The following DNAAF9 variants were observed in gnomAD, a reference collection of about 807,000 sequenced individuals.
DNAAF9 encodes dynein axonemal assembly factor 9, also known as shulin.
Under a neutral mutation model 167.0 loss-of-function variants are expected in DNAAF9, and 90 were observed. That is an observed-to-expected ratio of 0.54 (90% CI 0.45 to 0.64). The LOEUF (loss-of-function observed/expected upper bound fraction) is 0.64. Ranked by LOEUF, DNAAF9 falls within the 30% of genes least tolerant of loss-of-function variation. DNAAF9 has a pLI of 0.00. For synonymous variants in DNAAF9, 491 were observed against 508.8 expected, an observed-to-expected ratio of 0.96 and a Z score of 0.47; for missense variants, 1,315 against 1,442.2, an observed-to-expected ratio of 0.91 and a Z score of 1.43.
At chr20:3,320,528 A>T (rs527945610) in intron 16 of DNAAF9, among the ~76,000 whole-genome samples, 62 of 152,342 alleles carry the variant, frequency 4.1e-4, no homozygotes, top group African/African-American at 1.5e-3. Flanking sequence ...TAAGGAGAGA[A>T]GTCAGGGATT....
intron 2 of DNAAF9, 104 bp from the exon 3 acceptor site, chr20:3,381,602 A>G: frequency 8.1e-7 from 1 of 1,239,522 alleles, no homozygotes; most frequent in East Asian, 2.4e-5. Flanking sequence ...AAGCTGAAGG[A>G]CGCAGCTCAG....
intron 11 of DNAAF9, 104 bp from the exon 12 acceptor site, chr20:3,330,786 C>A: frequency 2.7e-5 from 16 of 585,136 alleles, no homozygotes; most frequent in Non-Finnish European, 3.8e-5. Flanking sequence ...TTGTCAAGAA[C>A]TACACTTTTT....
At chr20:3,358,504 G>A (rs1456733963) in intron 7 of DNAAF9, among the ~76,000 whole-genome samples, 1 of 151,998 alleles carries the variant, frequency 6.6e-6, no homozygotes, top group Non-Finnish European at 1.5e-5. Context: ...GGCTGGTCTT[G>A]TACTCCTGAC....
At chr20:3,366,333 T>C (rs1310196473) in intron 6 of DNAAF9, among the ~76,000 whole-genome samples, 1 of 152,224 alleles carries the variant, frequency 6.6e-6, no homozygotes, top group East Asian at 1.9e-4. Flanking sequence ...CTTTGCTGTC[T>C]AGCTGCCCTG....
intron 7 of DNAAF9, 84 bp downstream of exon 7, chr20:3,359,432 G>C: frequency 4.5e-6 from 4 of 890,198 alleles, no homozygotes; most frequent in Middle Eastern, 2.2e-4. Flanking sequence ...AATATCCTTT[G>C]CATTTCTTCA....
Position 3,396,065 on chromosome 20 carries a change from G to A in DNAAF9, c.83+11410C>T, listed in dbSNP as rs182202428. ...CTGCACAAGCTCTCTTCTCTTGTCTGCTGCCATGTGAGATGTGCCTTTCAC... is the reference window on the plus strand; with the variant it reads ...CTGCACAAGCTCTCTTCTCTTGTCTACTGCCATGTGAGATGTGCCTTTCAC... On this transcript the variant is annotated intron_variant, in intron 1 of 36. Transcript: ENST00000252032. 2.1e-3 allele frequency among the ~76,000 whole-genome samples: 315 copies of A among 152,334 alleles called. 3 individuals are homozygous for A. Among genetic ancestry groups the A allele is most frequent in the Non-Finnish European group, 3.4e-3 (228 of 68,034 alleles).
At chr20:3,396,425 G>A (rs954219512) in intron 1 of DNAAF9, among the ~76,000 whole-genome samples, 4 of 152,000 alleles carry the variant, frequency 2.6e-5, no homozygotes, top group Non-Finnish European at 5.9e-5. Flanking sequence ...AGAGCACTGG[G>A]GATTTAGCAA....
chr20:3,321,374 TAC>T (rs1247489724), intron 16 of DNAAF9, among the ~76,000 whole-genome samples: 2 of 152,062 alleles, frequency 1.3e-5, no homozygotes, highest in Non-Finnish European at 2.9e-5. Context: ...TACAGCATGT[TAC>T]TATACTGAAT....
intron 8 of DNAAF9, among the ~76,000 whole-genome samples, chr20:3,347,175 A>G (rs998041622): frequency 6.6e-6 from 1 of 152,154 alleles, no homozygotes; most frequent in Non-Finnish European, 1.5e-5. Context: ...AGACTATGCT[A>G]TGTACAAAGA....
In DNAAF9 at chr20:3,319,105, G is replaced by GA. The variant is rs1164759327; in HGVS notation, c.1357-706dup. ...CTCAAAAAAAAAAAAAAAAAAAAAA[G>GA]AAAAAAAAATAGCCAGGCATGGTGG... On this transcript the variant is annotated intron_variant, in intron 16 of 36. Coordinates refer to ENST00000252032, the MANE Select transcript of DNAAF9 (RefSeq NM_001009984.3). Among the ~76,000 whole-genome samples the GA allele has an allele frequency of 7.0e-4, 54 of 77,432 alleles. No homozygotes were observed. In the Middle Eastern group the frequency reaches 0.033, roughly 47 times the overall value. 50.8% of individuals were successfully genotyped at this position (77,432 alleles called of 152,430 possible). A position where few individuals can be genotyped will look rare whatever the true frequency, so the allele number is the denominator to read the frequency against.
chr20:3,326,062 T>A, intron 13 of DNAAF9, 135 bp downstream of exon 13: 1 of 648,152 alleles, frequency 1.5e-6, no homozygotes, highest in East Asian at 2.7e-5. Flanking sequence ...TCAGGGCTTC[T>A]CTCTGCCTGG....
Position 3,361,196 on chromosome 20 carries a change from C to A in DNAAF9, c.613-1603G>T, listed in dbSNP as rs1347487778. 2.0e-5 allele frequency among the ~76,000 whole-genome samples: 3 copies of A among 151,996 alleles called. No homozygotes were observed. The East Asian group carries it at 5.8e-4, about 29-fold the overall frequency. The stretch of plus-strand genomic sequence containing the variant: ...TTGAGGAGGGAATAAAAAGCAGCAC[C>A]CCTCGATAAAGGTGGGGGAGAGAAG... On this transcript the variant is annotated intron_variant, in intron 6 of 36. Coordinates refer to ENST00000252032, the MANE Select transcript of DNAAF9 (RefSeq NM_001009984.3).
chr20:3,259,436 A>G (rs775383068), intron 33 of DNAAF9, 44 bp downstream of exon 33: 9 of 1,187,996 alleles, frequency 7.6e-6, no homozygotes, highest in Admixed American at 5.0e-5. Flanking sequence ...ATGAGATGCA[A>G]GCACTCCATG....
At chr20:3,365,972 C>T (rs1043596674) in intron 6 of DNAAF9, among the ~76,000 whole-genome samples, 3 of 152,184 alleles carry the variant, frequency 2.0e-5, no homozygotes, top group Non-Finnish European at 2.9e-5. Flanking sequence ...AGTTGTCTTG[C>T]TATTTCTACC....
chr20:3,293,154 G>A (rs1474566044), intron 25 of DNAAF9, among the ~76,000 whole-genome samples: 2 of 150,564 alleles, frequency 1.3e-5, no homozygotes, highest in Admixed American at 6.6e-5. Context: ...TTAGCCGGGC[G>A]TGGGGGCGCA....
At chr20:3,260,621 C>T (rs1430887016) in intron 31 of DNAAF9, among the ~76,000 whole-genome samples, 2 of 150,786 alleles carry the variant, frequency 1.3e-5, no homozygotes, top group Non-Finnish European at 2.9e-5. Context: ...GCTCAGGATG[C>T]CCTCCCATTT....
chr20:3,316,971 TG>T (rs1440636818), intron 17 of DNAAF9, among the ~76,000 whole-genome samples, 178 bp from the exon 18 acceptor site: 1 of 142,428 alleles, frequency 7.0e-6, no homozygotes, highest in Non-Finnish European at 1.5e-5. Flanking sequence ...CTCGGCTCAC[TG>T]CAACCTCTGC....
At chr20:3,346,712 G>A (rs1354698156) in intron 8 of DNAAF9, among the ~76,000 whole-genome samples, 1 of 152,102 alleles carries the variant, frequency 6.6e-6, no homozygotes, top group Non-Finnish European at 1.5e-5. Context: ...TCAATGGAGT[G>A]GGGAAAATGG....
chr20:3,285,645 C>T (rs2068837887), intron 27 of DNAAF9, among the ~76,000 whole-genome samples: 1 of 149,956 alleles, frequency 6.7e-6, no homozygotes, highest in Non-Finnish European at 1.5e-5. Flanking sequence ...CACCATTGCA[C>T]TCCAGCCTGG....
Sources: allele counts gnomAD v4.1 joint callset (sites outside exome capture counted in the v4.1 genomes callset), GRCh38; gene constraint gnomAD v4.1.1; transcripts MANE v1.5; gene names NCBI Gene and HGNC (gene_info 2026-07-23, HGNC 2026-07-21).